ACOXL: variants seen among roughly 807,000 people sequenced by gnomAD.
ACOXL encodes acyl-coenzyme A oxidase-like protein.
In ACOXL, 70 loss-of-function variants were observed where a neutral mutation model predicts 71.9. That is an observed-to-expected ratio of 0.97 (90% CI 0.80 to 1.19). The LOEUF (loss-of-function observed/expected upper bound fraction) is 1.19, where lower values mean the gene tolerates loss of function less well. Among genes scored for constraint, ACOXL ranks in the 50% most tolerant of loss-of-function variants. ACOXL has a pLI of 0.00. For missense variants in ACOXL, 703 were observed against 736.3 expected (o/e 0.95, Z 0.52); for synonymous variants, 253 against 281.6 (o/e 0.90, Z 1.02).
chr2:110,779,010 G>C (rs182593806), intron 2 of ACOXL, among the ~76,000 whole-genome samples: 145 of 152,252 alleles, frequency 9.5e-4, no homozygotes, highest in Middle Eastern at 3.4e-3. Context: ...AAACATTTTC[G>C]AAGTAACTAG....
intron 13 of ACOXL, among the ~76,000 whole-genome samples, chr2:110,991,190 T>C (rs2063156641): frequency 6.6e-6 from 1 of 152,214 alleles, no homozygotes; most frequent in East Asian, 1.9e-4. Context: ...ATTTTATTGG[T>C]ATAAGTTTTT....
chr2:111,112,427 TGTGA>T (rs2070049206), intron 17 of ACOXL, among the ~76,000 whole-genome samples: 1 of 152,190 alleles, frequency 6.6e-6, no homozygotes, highest in Non-Finnish European at 1.5e-5. Context: ...TTATGCCTCG[TGTGA>T]GTGTTTCAGG....
At chr2:111,028,714 G>A (rs762341290) in intron 14 of ACOXL, among the ~76,000 whole-genome samples, 4 of 152,172 alleles carry the variant, frequency 2.6e-5, no homozygotes, top group Non-Finnish European at 4.4e-5. Flanking sequence ...AAAGAAAGGC[G>A]AATGGATATG....
intron 1 of ACOXL, among the ~76,000 whole-genome samples, chr2:110,755,638 A>G (rs1412080187): frequency 3.9e-5 from 6 of 152,246 alleles, no homozygotes; most frequent in Non-Finnish European, 8.8e-5. Context: ...TTTCCAGAAT[A>G]CATTTTTATC....
chr2:110,843,627 A>C (rs1436261479), intron 10 of ACOXL, among the ~76,000 whole-genome samples: 1 of 152,118 alleles, frequency 6.6e-6, no homozygotes, highest in African/African-American at 2.4e-5. Flanking sequence ...GTTGGACAAA[A>C]TGCAAGGAGG....
intron 15 of ACOXL, among the ~76,000 whole-genome samples, chr2:111,043,176 C>T (rs1421980109): frequency 6.6e-6 from 1 of 152,196 alleles, no homozygotes; most frequent in Non-Finnish European, 1.5e-5. Context: ...TCTGACAGGG[C>T]AGGCTGGGGG....
At chr2:110,945,526 G>C (rs923070956) in intron 12 of ACOXL, among the ~76,000 whole-genome samples, 2 of 152,110 alleles carry the variant, frequency 1.3e-5, no homozygotes, top group African/African-American at 4.8e-5. Flanking sequence ...TGTATATGCT[G>C]TAAGGAACGG....
chr2:111,050,736 C>T (rs2066249503), intron 16 of ACOXL, among the ~76,000 whole-genome samples: 1 of 152,218 alleles, frequency 6.6e-6, no homozygotes, highest in South Asian at 2.1e-4. Context: ...AGCGACAGAG[C>T]CCAGCCCCAG....
chr2:111,002,916 A>G (rs1310496443), intron 14 of ACOXL, among the ~76,000 whole-genome samples: 1 of 152,206 alleles, frequency 6.6e-6, no homozygotes, highest in East Asian at 1.9e-4. Context: ...TTTCAGCATC[A>G]TGTCAGTGCT....
rs1354310149 is a variant in ACOXL at position 110,876,303 on chromosome 2, G to T, written c.789-32486G>T. 2.0e-5 allele frequency among the ~76,000 whole-genome samples: 3 copies of T among 152,320 alleles called. No homozygotes were observed. In the East Asian group the frequency reaches 5.8e-4, roughly 29 times the overall value. ...AGAGAGAGGCAGGCAGAGAAATGAG[G>T]TGGGCCAGCCACGGTGCCAGGGAGG... is the stretch of plus-strand genomic sequence containing the variant. On this transcript the variant is annotated intron_variant, in intron 10 of 17. Transcript: ENST00000439055.
At chr2:111,061,594 A>G (rs1024472079) in intron 16 of ACOXL, among the ~76,000 whole-genome samples, 2 of 152,202 alleles carry the variant, frequency 1.3e-5, no homozygotes, top group Non-Finnish European at 2.9e-5. Flanking sequence ...GGTAAATTCA[A>G]TTAGCTCTCC....
chr2:110,932,934 T>C (rs554875655), intron 11 of ACOXL, among the ~76,000 whole-genome samples: 1 of 152,326 alleles, frequency 6.6e-6, no homozygotes, highest in South Asian at 2.1e-4. Context: ...ATGAAGACTT[T>C]GGTAGACTTT....
At chr2:110,817,220 C>T (rs994333354) in intron 9 of ACOXL, among the ~76,000 whole-genome samples, 1 of 152,178 alleles carries the variant, frequency 6.6e-6, no homozygotes, top group Non-Finnish European at 1.5e-5. Context: ...TCTTGAGATT[C>T]CATGTGTGTG....
intron 12 of ACOXL, among the ~76,000 whole-genome samples, chr2:110,939,112 C>T (rs895089127): frequency 1.3e-5 from 2 of 152,208 alleles, no homozygotes; most frequent in Admixed American, 6.5e-5. Flanking sequence ...TTTGCCACTA[C>T]TCTAAACATA....
At chr2:111,003,550 C>CAAAAAAAAAAAAAAAAAAAAAAAAAA (rs548001377) in intron 14 of ACOXL, among the ~76,000 whole-genome samples, 1 of 35,338 alleles carries the variant, frequency 2.8e-5, no homozygotes, top group African/African-American at 9.7e-5. Context: ...GACTCTGTCT[C>CAAAAAAAAAAAAAAAAAAAAAAAAAA]AAAAAAAAAA....
intron 16 of ACOXL, among the ~76,000 whole-genome samples, chr2:111,076,809 C>T (rs74580359): frequency 0.039 from 5,862 of 152,228 alleles, 387 homozygotes; most frequent in African/African-American, 0.13. Context: ...GGCAGGATTG[C>T]GCTACCTTTG....
At chr2:110,944,585 G>A (rs1393551308) in intron 12 of ACOXL, among the ~76,000 whole-genome samples, 1 of 152,164 alleles carries the variant, frequency 6.6e-6, no homozygotes, top group East Asian at 1.9e-4. Context: ...ACTTATGAGT[G>A]AGAATGTGGT....
At chr2:111,074,966 T>C (rs1432764089) in intron 16 of ACOXL, among the ~76,000 whole-genome samples, 1 of 152,244 alleles carries the variant, frequency 6.6e-6, no homozygotes, top group Non-Finnish European at 1.5e-5. Context: ...ATTCTTTTTA[T>C]ATATTGCTGC....
chr2:110,800,032 C>T (rs576241103), intron 7 of ACOXL, among the ~76,000 whole-genome samples: 34 of 152,300 alleles, frequency 2.2e-4, no homozygotes, highest in East Asian at 1.3e-3. Flanking sequence ...AGGACAGAAA[C>T]GGAACATGGG....
Sources: allele counts gnomAD v4.1 joint callset (sites outside exome capture counted in the v4.1 genomes callset), GRCh38; gene constraint gnomAD v4.1.1; transcripts MANE v1.5; gene names NCBI Gene and HGNC (gene_info 2026-07-23, HGNC 2026-07-21).